Variants in SIPA1L3 observed in about 807,000 individuals in gnomAD.
SIPA1L3 encodes the protein signal-induced proliferation-associated 1-like protein 3.
Under a neutral mutation model 150.1 loss-of-function variants are expected in SIPA1L3, and 59 were observed. The ratio of observed to expected loss-of-function variants is 0.39; its 90% CI spans 0.32 to 0.49. The LOEUF (loss-of-function observed/expected upper bound fraction) is 0.49. SIPA1L3 is among the 20% of genes least tolerant of loss of function. The pLI, the probability that SIPA1L3 is intolerant of heterozygous loss-of-function variation, is 0.86. For missense variants in SIPA1L3, 2,211 were observed against 2,489.5 expected (o/e 0.89, Z 2.38); for synonymous variants, 1,070 against 1,077.6 (o/e 0.99, Z 0.14).
chr19:38,196,455 C>CAGAGCATGGAGGTCAAGGGCGGAGCAA (rs1568605821), intron 18 of SIPA1L3, among the ~76,000 whole-genome samples: 1 of 130,466 alleles, frequency 7.7e-6, no homozygotes. Flanking sequence ...AGGTCAAGGG[C>CAGAGCATGGAGGTCAAGGGCGGAGCAA]GGAGTGTGGA....
chr19:38,100,993 C>T (rs1223976000), intron 5 of SIPA1L3, 59 bp from the exon 6 acceptor site: 5 of 1,490,838 alleles, frequency 3.4e-6, no homozygotes, highest in Non-Finnish European at 4.5e-6. Flanking sequence ...ACCCCTTGCT[C>T]CCTTCCCTCT....
intron 7 of SIPA1L3, among the ~76,000 whole-genome samples, 164 bp downstream of exon 7, chr19:38,106,804 G>A (rs973603063): frequency 2.6e-5 from 4 of 152,232 alleles, no homozygotes; most frequent in Non-Finnish European, 5.9e-5. Flanking sequence ...CCCAGGTGTG[G>A]TTCGAGATGT....
At chr19:38,095,464 GGAGT>G (rs1177781952) in intron 4 of SIPA1L3, among the ~76,000 whole-genome samples, 11 of 152,172 alleles carry the variant, frequency 7.2e-5, no homozygotes, top group Non-Finnish European at 1.6e-4. Context: ...GTCTGAGTCA[GGAGT>G]GAGTGGGGAT....
At chr19:38,157,372 TAG>T (rs1971972895) in intron 13 of SIPA1L3, among the ~76,000 whole-genome samples, 1 of 152,050 alleles carries the variant, frequency 6.6e-6, no homozygotes, top group Non-Finnish European at 1.5e-5. Flanking sequence ...TGCCCCCGGT[TAG>T]AGAGGAGGAC....
intron 8 of SIPA1L3, among the ~76,000 whole-genome samples, chr19:38,116,667 G>A (rs1408834361): frequency 6.6e-6 from 1 of 150,820 alleles, no homozygotes; most frequent in African/African-American, 2.4e-5. Context: ...GGCCAACATA[G>A]TGAAACCCCA....
intron 9 of SIPA1L3, among the ~76,000 whole-genome samples, chr19:38,128,726 A>G (rs531588744): frequency 1.4e-4 from 21 of 151,994 alleles, no homozygotes; most frequent in African/African-American, 4.6e-4. Context: ...GTAAAACCCC[A>G]TCTCTACTAA....
chr19:37,951,330 A>G (rs1459492191), intron 1 of SIPA1L3, among the ~76,000 whole-genome samples: 1 of 152,240 alleles, frequency 6.6e-6, no homozygotes, highest in African/African-American at 2.4e-5. Flanking sequence ...CATGAAAATG[A>G]CTACAATGTT....
intron 8 of SIPA1L3, among the ~76,000 whole-genome samples, chr19:38,116,323 C>T (rs1423726178): frequency 6.6e-6 from 1 of 151,576 alleles, no homozygotes; most frequent in Non-Finnish European, 1.5e-5. Context: ...GCCTGACCAA[C>T]ATGGTGAAAC....
At chr19:37,914,966 C>T (rs560310520) in intron 1 of SIPA1L3, among the ~76,000 whole-genome samples, 1 of 152,170 alleles carries the variant, frequency 6.6e-6, no homozygotes, top group Non-Finnish European at 1.5e-5. Flanking sequence ...GAAACTGATT[C>T]CACCCTCCAT....
intron 1 of SIPA1L3, chr19:37,907,806 T>C (rs1407987383): frequency 6.6e-6 from 1 of 152,250 alleles, no homozygotes; most frequent in Non-Finnish European, 1.5e-5. Context: ...ATCGATTGCA[T>C]AGGGTGAGGA....
chr19:38,144,809 A>G (rs1326594380), intron 12 of SIPA1L3, among the ~76,000 whole-genome samples: 1 of 152,254 alleles, frequency 6.6e-6, no homozygotes, highest in Admixed American at 6.5e-5. Flanking sequence ...TGAGCACTCT[A>G]ATAGAGGAAG....
At chr19:38,114,959 C>G (rs538578401) in intron 8 of SIPA1L3, among the ~76,000 whole-genome samples, 1 of 152,228 alleles carries the variant, frequency 6.6e-6, no homozygotes, top group Non-Finnish European at 1.5e-5. Context: ...AATCTGTTGT[C>G]CCTCTGCCAG....
At chr19:38,166,108 C>CAA (rs1239262928) in intron 15 of SIPA1L3, among the ~76,000 whole-genome samples, 1 of 152,116 alleles carries the variant, frequency 6.6e-6, no homozygotes, top group Non-Finnish European at 1.5e-5. Flanking sequence ...CTGCTGGTCC[C>CAA]AGGACCACAC....
intron 13 of SIPA1L3, among the ~76,000 whole-genome samples, chr19:38,159,147 G>A (rs1390892903): frequency 6.6e-6 from 1 of 152,194 alleles, no homozygotes; most frequent in East Asian, 1.9e-4. Flanking sequence ...CCACTTTCTC[G>A]CATCCATGGT....
chr19:38,130,460 A>G (rs1334246796), intron 9 of SIPA1L3, 38 bp from the exon 10 acceptor site: 5 of 1,582,578 alleles, frequency 3.2e-6, no homozygotes, highest in Non-Finnish European at 4.3e-6. Context: ...AGCTGACCCA[A>G]GCAGCTTCTG....
At chr19:38,060,787 G>C (rs1390215870) in intron 2 of SIPA1L3, among the ~76,000 whole-genome samples, 1 of 152,220 alleles carries the variant, frequency 6.6e-6, no homozygotes, top group African/African-American at 2.4e-5. Flanking sequence ...TGCCTCCCGG[G>C]TTCAAGTGAT....
At chr19:38,101,971 G>A (rs1178946738) in intron 6 of SIPA1L3, among the ~76,000 whole-genome samples, 6 of 152,110 alleles carry the variant, frequency 3.9e-5, no homozygotes, top group Non-Finnish European at 2.9e-5. Context: ...TTCGTGCTGC[G>A]CAAAGACAGC....
At chr19:38,074,467 A>T (rs1295778143) in intron 2 of SIPA1L3, among the ~76,000 whole-genome samples, 1 of 152,202 alleles carries the variant, frequency 6.6e-6, no homozygotes, top group Non-Finnish European at 1.5e-5. Context: ...CTGCACTCTG[A>T]AGGCAGAGCC....
chr19:38,187,995 C>CAA (rs919508675), intron 16 of SIPA1L3, among the ~76,000 whole-genome samples: 1 of 135,324 alleles, frequency 7.4e-6, no homozygotes, highest in Non-Finnish European at 1.6e-5. Context: ...GACTCTGTCT[C>CAA]AAAAAAAAAA....
Sources: gnomAD v4.1 joint callset for allele counts (sites outside exome capture counted in the v4.1 genomes callset) on GRCh38, gnomAD v4.1.1 for gene constraint, MANE v1.5 for transcripts, NCBI Gene and HGNC (gene_info 2026-07-23, HGNC 2026-07-21) for gene names.